The following ARHGEF12 variants were observed in gnomAD, a reference collection of about 807,000 sequenced individuals.
ARHGEF12 encodes the protein KMT2A/ARHGEF12 fusion protein.
Under a neutral mutation model 211.2 loss-of-function variants are expected in ARHGEF12, and 66 were observed. The ratio of observed to expected loss-of-function variants is 0.31; its 90% CI spans 0.26 to 0.38. The LOEUF (loss-of-function observed/expected upper bound fraction) is 0.38. Among genes scored for constraint, ARHGEF12 ranks in the 10% least tolerant of loss-of-function variants. ARHGEF12 has a pLI of 1.00. For synonymous variants in ARHGEF12, 592 were observed against 638.4 expected (o/e 0.93, Z 1.09); for missense variants, 1,429 against 1,869.5 (o/e 0.76, Z 4.34).
chr11:120,450,866 A>G (rs1052012735), intron 21 of ARHGEF12: 1 of 152,004 alleles, frequency 6.6e-6, no homozygotes, highest in Non-Finnish European at 1.5e-5. Context: ...GTCTCTCAGC[A>G]TTCCTCCTCC....
chr11:120,479,846 T>C (rs1443289205), intron 37 of ARHGEF12, 114 bp from the exon 38 acceptor site: 2 of 819,362 alleles, frequency 2.4e-6, no homozygotes, highest in African/African-American at 1.7e-5. Context: ...TAATATGTCA[T>C]TAAAAGATAC....
At chr11:120,406,622 G>C (rs1258498857) in intron 2 of ARHGEF12, among the ~76,000 whole-genome samples, 6 of 152,006 alleles carry the variant, frequency 3.9e-5, no homozygotes, top group Non-Finnish European at 7.4e-5. Flanking sequence ...GCAGTGGCGC[G>C]ATCTCAGCTC....
In ARHGEF12 at chr11:120,473,198, T is replaced by C. The variant is rs1395761120; in HGVS notation, c.3033+71T>C. The C allele has an allele frequency of 5.9e-6, 8 of 1,356,772 alleles. No homozygotes were observed. In the Admixed American group the frequency reaches 1.2e-4, roughly 20 times the overall value. 84.0% of individuals were successfully genotyped at this position (1,356,772 alleles called of 1,614,324 possible). A position where few individuals can be genotyped will look rare whatever the true frequency, so the allele number is the denominator to read the frequency against. ...CTAAAGACCTGGCAGGTAATTAACA[T>C]CTCAGTGGGAATATACGTCACCTGA... On this transcript the variant is annotated intron_variant, in intron 31 of 40. Coordinates refer to ENST00000397843, the MANE Select transcript of ARHGEF12 (RefSeq NM_015313.3).
chr11:120,460,429 C>T (rs970675630), intron 26 of ARHGEF12, among the ~76,000 whole-genome samples: 4 of 152,064 alleles, frequency 2.6e-5, no homozygotes, highest in Non-Finnish European at 4.4e-5. Context: ...TTGATGCAAC[C>T]ACCGTGTATG....
intron 27 of ARHGEF12, chr11:120,463,803 G>A (rs1196488331): frequency 6.6e-6 from 1 of 151,992 alleles, no homozygotes; most frequent in African/African-American, 2.4e-5. Context: ...CGCTACAGGC[G>A]GGCTTTTTAC....
chr11:120,430,647 G>GT (rs1279007451), intron 10 of ARHGEF12, among the ~76,000 whole-genome samples: 5 of 152,114 alleles, frequency 3.3e-5, no homozygotes, highest in East Asian at 3.8e-4. Flanking sequence ...GGTAAAAGCT[G>GT]TTTTTTTGTC....
At chr11:120,384,899 A>C (rs1943983461) in intron 1 of ARHGEF12, among the ~76,000 whole-genome samples, 1 of 149,548 alleles carries the variant, frequency 6.7e-6, no homozygotes, top group African/African-American at 2.5e-5. Context: ...TTTTTTTGTA[A>C]ATCCTAACTT....
At chr11:120,384,905 A>G (rs1236600308) in intron 1 of ARHGEF12, among the ~76,000 whole-genome samples, 1 of 143,176 alleles carries the variant, frequency 7.0e-6, no homozygotes, top group Admixed American at 7.0e-5. Flanking sequence ...TGTAAATCCT[A>G]ACTTATTTGG....
At chr11:120,406,007 G>A in intron 1 of ARHGEF12, 111 bp from the exon 2 acceptor site, 1 of 784,698 alleles carries the variant, frequency 1.3e-6, no homozygotes, top group South Asian at 1.7e-5. Context: ...CTATTGGAAA[G>A]TTACCATAAG....
chr11:120,355,698 CTCTG>C (rs1943112652), intron 1 of ARHGEF12, among the ~76,000 whole-genome samples: 1 of 152,176 alleles, frequency 6.6e-6, no homozygotes, highest in South Asian at 2.1e-4. Flanking sequence ...CAGAGTGAGA[CTCTG>C]TCTCTTTAAA....
In ARHGEF12 at chr11:120,489,532, T is replaced by C. The variant is rs939608018; in HGVS notation, c.*4455T>C. On this transcript the variant is annotated 3_prime_UTR_variant, in exon 41 of 41. Transcript: ENST00000397843. The stretch of plus-strand genomic sequence containing the variant: ...TTCACATACCAACATTTCTGTGCTT[T>C]TACCAACAGCATTTTAGCTCAGAAG... 6 of 220,616 alleles carry C rather than the reference T, an allele frequency of 2.7e-5. No individual in the cohort carries two copies. The highest frequency in any genetic ancestry group is 5.4e-5 in the Non-Finnish European group (6 of 110,222). 13.7% of individuals were successfully genotyped at this position (220,616 alleles called of 1,614,324 possible).
intron 34 of ARHGEF12, 77 bp from the exon 35 acceptor site, chr11:120,477,142 T>C (rs1321063820): frequency 8.6e-7 from 1 of 1,166,862 alleles, no homozygotes; most frequent in African/African-American, 1.5e-5. Flanking sequence ...TTTTGTTTAG[T>C]TTTGCTTTCT....
intron 36 of ARHGEF12, among the ~76,000 whole-genome samples, chr11:120,477,862 C>CAAAAAAAAAAAAAAAAAAAAAAAAAA (rs528182938): frequency 4.3e-5 from 3 of 69,328 alleles, no homozygotes; most frequent in Non-Finnish European, 8.9e-5. Flanking sequence ...ACCGAAACAC[C>CAAAAAAAAAAAAAAAAAAAAAAAAAA]AAAAAAAAAA....
At chr11:120,448,454 C>A in intron 20 of ARHGEF12, 106 bp downstream of exon 20, 1 of 769,402 alleles carries the variant, frequency 1.3e-6, no homozygotes, top group Non-Finnish European at 2.1e-6. Context: ...CAAATTAATG[C>A]TAGTCATACA....
intron 2 of ARHGEF12, 27 bp from the exon 3 acceptor site, chr11:120,407,711 G>C: frequency 6.5e-7 from 1 of 1,543,658 alleles, no homozygotes; most frequent in Middle Eastern, 1.7e-4. Flanking sequence ...CTTGCACTAA[G>C]CATTTGATTA....
intron 4 of ARHGEF12, among the ~76,000 whole-genome samples, chr11:120,419,940 C>T (rs768277777): frequency 1.3e-4 from 20 of 152,176 alleles, no homozygotes; most frequent in Non-Finnish European, 2.9e-4. Context: ...TATGATAAAA[C>T]AGCCCTGGGT....
At chr11:120,426,199 T>C (rs1176522918) in intron 7 of ARHGEF12, among the ~76,000 whole-genome samples, 3 of 152,204 alleles carry the variant, frequency 2.0e-5, no homozygotes, top group African/African-American at 7.2e-5. Flanking sequence ...TGCATAAATA[T>C]GGTTTATGTT....
At chr11:120,404,480 T>C (rs1944634402) in intron 1 of ARHGEF12, among the ~76,000 whole-genome samples, 1 of 152,238 alleles carries the variant, frequency 6.6e-6, no homozygotes, top group South Asian at 2.1e-4. Flanking sequence ...TAATCTATAC[T>C]TGAAGTAGTA....
chr11:120,370,761 T>A (rs1262211366), intron 1 of ARHGEF12, among the ~76,000 whole-genome samples: 2 of 152,128 alleles, frequency 1.3e-5, no homozygotes, highest in Non-Finnish European at 2.9e-5. Flanking sequence ...TTTCTTTCCC[T>A]CTCCTCCTCC....
Sources: gnomAD v4.1 joint callset for allele counts (sites outside exome capture counted in the v4.1 genomes callset) on GRCh38, gnomAD v4.1.1 for gene constraint, MANE v1.5 for transcripts, NCBI Gene and HGNC (gene_info 2026-07-23, HGNC 2026-07-21) for gene names.